REDIC1: variants seen among roughly 807,000 people sequenced by gnomAD.
REDIC1 encodes the protein HEI10 Interacting Protein 1.
the REDIC1 span, among the ~76,000 whole-genome samples, chr12:39,838,612 C>A: frequency 1.3e-5 from 2 of 151,532 alleles, no homozygotes; most frequent in Non-Finnish European, 2.9e-5. Context: ...AAAAATGCTT[C>A]CAATTAAAGT....
At chr12:39,632,173 T>C in the REDIC1 span, among the ~76,000 whole-genome samples, 1 of 152,110 alleles carries the variant, frequency 6.6e-6, no homozygotes, top group African/African-American at 2.4e-5. Context: ...CTCGGCTCAC[T>C]GCAACTTCCA....
chr12:39,631,711 A>G, the REDIC1 span, among the ~76,000 whole-genome samples: 2 of 152,232 alleles, frequency 1.3e-5, no homozygotes, highest in Non-Finnish European at 2.9e-5. Flanking sequence ...CAGGTACTTC[A>G]TTATCTGTAG....
the REDIC1 span, among the ~76,000 whole-genome samples, chr12:39,881,722 T>G: frequency 6.6e-6 from 1 of 152,168 alleles, no homozygotes; most frequent in Non-Finnish European, 1.5e-5. Context: ...GAGGCTAGGC[T>G]GTTTTCTCTC....
the REDIC1 span, among the ~76,000 whole-genome samples, chr12:39,632,851 C>T: frequency 6.6e-6 from 1 of 151,876 alleles, no homozygotes; most frequent in Admixed American, 6.6e-5. Flanking sequence ...GTAAAAATAC[C>T]ATATAAAACA....
chr12:39,658,080 C>G, the REDIC1 span, among the ~76,000 whole-genome samples: 1 of 104,850 alleles, frequency 9.5e-6, no homozygotes, highest in African/African-American at 3.2e-5. Context: ...TTATTCACAT[C>G]AAAATACTTT....
At chr12:39,702,664 A>G in the REDIC1 span, among the ~76,000 whole-genome samples, 2 of 152,238 alleles carry the variant, frequency 1.3e-5, no homozygotes, top group African/African-American at 4.8e-5. Flanking sequence ...TCCTTGATGA[A>G]CATTGATGCA....
chr12:39,767,509 C>T, the REDIC1 span, among the ~76,000 whole-genome samples: 2 of 152,014 alleles, frequency 1.3e-5, no homozygotes, highest in African/African-American at 4.8e-5. Flanking sequence ...GCTGCATTAT[C>T]TCCTAACAAG....
At chr12:39,719,533 G>C in the REDIC1 span, among the ~76,000 whole-genome samples, 123 of 152,112 alleles carry the variant, frequency 8.1e-4, no homozygotes, top group Non-Finnish European at 1.5e-3. Context: ...AGAATCACCT[G>C]AGCCTGGGAG....
the REDIC1 span, chr12:39,864,901 T>G: frequency 1.2e-6 from 2 of 1,600,846 alleles, no homozygotes; most frequent in Non-Finnish European, 1.7e-6. Flanking sequence ...AAAAAAGTTT[T>G]ATATTAGAGA....
At chr12:39,676,526 CT>C in the REDIC1 span, among the ~76,000 whole-genome samples, 1 of 152,120 alleles carries the variant, frequency 6.6e-6, no homozygotes, top group African/African-American at 2.4e-5. Flanking sequence ...GTTTGGAAAA[CT>C]TATTTGAGGT....
the REDIC1 span, among the ~76,000 whole-genome samples, chr12:39,711,460 T>C: frequency 6.9e-6 from 1 of 145,282 alleles, no homozygotes; most frequent in Admixed American, 6.9e-5. Context: ...TATACACATA[T>C]ACACATACAT....
At chr12:39,706,418 A>G in the REDIC1 span, among the ~76,000 whole-genome samples, 3 of 152,004 alleles carry the variant, frequency 2.0e-5, no homozygotes, top group East Asian at 5.8e-4. Flanking sequence ...CACTATCAAA[A>G]TACCAATGAC....
the REDIC1 span, among the ~76,000 whole-genome samples, chr12:39,742,409 C>T: frequency 3.9e-5 from 6 of 152,220 alleles, no homozygotes; most frequent in South Asian, 2.1e-4. Context: ...TTGAAGGCTG[C>T]GCTCTTGGCA....
chr12:39,675,328 T>C, the REDIC1 span, among the ~76,000 whole-genome samples: 2,153 of 152,186 alleles, frequency 0.014, 141 homozygotes, highest in Admixed American at 0.098. Flanking sequence ...ATTTTTTTTT[T>C]CCCACTTTGG....
At chr12:39,806,003 A>G in the REDIC1 span, among the ~76,000 whole-genome samples, 1 of 152,242 alleles carries the variant, frequency 6.6e-6, no homozygotes, top group Non-Finnish European at 1.5e-5. Flanking sequence ...CCTGCAATTT[A>G]GCAAACTTCT....
chr12:39,673,703 A>G, the REDIC1 span, among the ~76,000 whole-genome samples: 1 of 152,186 alleles, frequency 6.6e-6, no homozygotes. Context: ...TCCTTACTCT[A>G]GTGACTTTCC....
At chr12:39,645,104 T>C in the REDIC1 span, among the ~76,000 whole-genome samples, 1 of 151,994 alleles carries the variant, frequency 6.6e-6, no homozygotes, top group African/African-American at 2.4e-5. Flanking sequence ...TTCTTCCAAG[T>C]ATAACCAGAG....
the REDIC1 span, among the ~76,000 whole-genome samples, chr12:39,711,363 A>G: frequency 2.0e-5 from 3 of 146,944 alleles, no homozygotes; most frequent in South Asian, 6.3e-4. Context: ...ATATATACAT[A>G]TATACACATA....
chr12:39,825,670 A>G, the REDIC1 span, among the ~76,000 whole-genome samples: 1 of 152,124 alleles, frequency 6.6e-6, no homozygotes, highest in Non-Finnish European at 1.5e-5. Flanking sequence ...ATTATTATAC[A>G]TCTTTTTTAT....
Sources: allele counts gnomAD v4.1 joint callset (sites outside exome capture counted in the v4.1 genomes callset), GRCh38; gene constraint gnomAD v4.1.1; transcripts MANE v1.5; gene names NCBI Gene and HGNC (gene_info 2026-07-23, HGNC 2026-07-21).